Variants in ZNF335 observed in about 807,000 individuals in gnomAD.
ZNF335 encodes the protein NRC-interacting factor 1.
Under a neutral mutation model 145.6 loss-of-function variants are expected in ZNF335, and 84 were observed. The observed-to-expected ratio is 0.58, with a 90% CI of 0.48 to 0.69. ZNF335 has a LOEUF of 0.69. Among genes scored for constraint, ZNF335 ranks in the 30% least tolerant of loss-of-function variants. ZNF335 has a pLI of 0.00. For synonymous variants in ZNF335, 761 were observed against 717.0 expected (o/e 1.06, Z -0.98); for missense variants, 1,865 against 1,809.7 (o/e 1.03, Z -0.55).
chr20:45,954,293 G>T (rs1343617341), intron 17 of ZNF335, among the ~76,000 whole-genome samples: 1 of 152,196 alleles, frequency 6.6e-6, no homozygotes, highest in Non-Finnish European at 1.5e-5. Flanking sequence ...TAATGCACAG[G>T]ACCGCCCCAC....
At position 45,972,056 on chromosome 20, in the gene ZNF335, C is replaced by G. The variant is rs1003426377; in HGVS notation, c.-51+66G>C. 7 of 1,269,828 alleles carry G rather than the reference C, an allele frequency of 5.5e-6. No homozygotes were observed. In the African/African-American group the frequency reaches 7.7e-5, roughly 14 times the overall value. The allele number at this position is 1,269,828 out of a possible 1,614,324, so 78.7% of individuals were successfully genotyped here. A position where few individuals can be genotyped will look rare whatever the true frequency, so the allele number is the denominator to read the frequency against. On this transcript the variant is annotated intron_variant, in intron 1 of 27. Coordinates refer to ENST00000322927, the MANE Select transcript of ZNF335 (RefSeq NM_022095.4). ...GGCCTGGGACCTCGCCTCCGGGTATCCCCGCAGTGTGACCTCACTCCACGG... is the reference window on the plus strand; with the variant it reads ...GGCCTGGGACCTCGCCTCCGGGTATGCCCGCAGTGTGACCTCACTCCACGG...
Position 45,949,804 on chromosome 20 carries a change from T to G in ZNF335, c.3665A>C (p.Asn1222Thr), listed in dbSNP as rs2083594753. Residue 1222 changes from asparagine to threonine, a missense_variant, in exon 24 of 28, where the codon AAC becomes ACC. Physicochemically the swap from Asn to Thr is moderately conservative, Grantham distance 65. Transcript: ENST00000322927. ...TAACAGTAGCTAGTAGCTCACCTGG[T>G]TGTCGGAGGTCACCAGGTGCTGTAC... The part of the protein sequence containing the change: ...QTVQHLVTSD[N>T]QVQYIISQDG... The G allele has an allele frequency of 6.2e-7, 1 of 1,613,908 alleles. No homozygotes were observed. Among genetic ancestry groups the G allele is most frequent in the Non-Finnish European group, 8.5e-7 (1 of 1,179,984 alleles).
chr20:45,950,080 A>C lies in ZNF335; in HGVS notation c.3488-11T>G. The stretch of plus-strand genomic sequence containing the variant: ...TGGACTGGAGTGCAGCTGGGCAGAG[A>C]GGAGAGGATGCTCACCTGGGGTCCA... On this transcript the variant is annotated splice_polypyrimidine_tract_variant and intron_variant, in intron 22 of 27. Transcript: ENST00000322927. 1 of 1,613,024 alleles carries C rather than the reference A, an allele frequency of 6.2e-7. No individual in the cohort carries two copies. Among genetic ancestry groups the C allele is most frequent in the Non-Finnish European group, 8.5e-7 (1 of 1,179,602 alleles).
At position 45,959,350 on chromosome 20, in the gene ZNF335, C is replaced by T. The variant is rs779917012; in HGVS notation, c.2104G>A (p.Ala702Thr). Residue 702 changes from alanine to threonine, a missense_variant, in exon 15 of 28, where the codon GCA becomes ACA. Transcript: ENST00000322927. ...CTCCCCCATTCCTCGAAGCTGCTTG[C>T]GTGTCGGCACCGTACGTGCAGGCGC... ...NLRLHVRCRH[A>T]SSFEEWGRRH... The T allele has an allele frequency of 3.2e-6, 5 of 1,583,878 alleles. No homozygotes were observed. The highest frequency in any genetic ancestry group is 2.4e-5 in the East Asian group (1 of 42,538).
chr20:45,959,790 C>T (rs1039354016), intron 14 of ZNF335, among the ~76,000 whole-genome samples: 3 of 152,226 alleles, frequency 2.0e-5, no homozygotes, highest in African/African-American at 7.2e-5. Context: ...TGCAGTGCAG[C>T]TTCTGTGGGC....
In ZNF335 at chr20:45,963,789, G is replaced by A; in HGVS notation, c.1304C>T (p.Pro435Leu). ...PSCPDEHDTLPRRRGRPSRRF... is the reference protein window; with the variant it reads ...PSCPDEHDTLLRRRGRPSRRF... ...CCTGGAAGGTCGACCTCGGCGCCGG[G>A]GCAGAGTGTCATGCTCATCCGGGCA... The change falls in exon 8 of 28, where the codon CCC (proline) becomes CTC (leucine). Residue 435 changes from proline to leucine, a missense_variant. By Grantham distance (98) the Pro-to-Leu change is moderately conservative. Transcript: ENST00000322927. 1 of 1,614,168 alleles carries A rather than the reference G, an allele frequency of 6.2e-7. No individual in the cohort carries two copies. The highest frequency in any genetic ancestry group is 8.5e-7 in the Non-Finnish European group (1 of 1,180,004).
chr20:45,969,583 G>A lies in ZNF335; in HGVS notation c.310C>T (p.Pro104Ser). The change falls in exon 3 of 28, where the codon CCA becomes TCA. Residue 104 changes from proline (P) to serine (S), a missense_variant. Transcript: ENST00000322927. The part of the protein sequence containing the change: ...GPVAGVTGGP[P>S]ALVHSSALPD... ...AGTGCACTAGAGTGCACAAGTGCTGGGGGACCGCCTGTCACCCCTGCCACT... is the reference window on the plus strand; with the variant it reads ...AGTGCACTAGAGTGCACAAGTGCTGAGGGACCGCCTGTCACCCCTGCCACT... 1.2e-6 allele frequency: 2 copies of A among 1,605,792 alleles called. No individual in the cohort carries two copies. The highest frequency in any genetic ancestry group is 1.7e-6 in the Non-Finnish European group (2 of 1,173,814).
chr20:45,956,290 G>A (rs965712368), intron 17 of ZNF335, among the ~76,000 whole-genome samples: 2 of 151,002 alleles, frequency 1.3e-5, no homozygotes, highest in East Asian at 1.9e-4. Flanking sequence ...GTGCAATGGC[G>A]CAATCTCGGC....
At chr20:45,958,388 G>A (rs2083767028) in intron 15 of ZNF335, among the ~76,000 whole-genome samples, 1 of 152,174 alleles carries the variant, frequency 6.6e-6, no homozygotes, top group Admixed American at 6.5e-5. Context: ...TGCTACAGAT[G>A]AACCCACTAA....
At chr20:45,958,970 A>G (rs550306952) in intron 15 of ZNF335, among the ~76,000 whole-genome samples, 2 of 152,320 alleles carry the variant, frequency 1.3e-5, no homozygotes, top group South Asian at 4.1e-4. Flanking sequence ...CTTGTATAAG[A>G]GAGAATAAAA....
Position 45,967,593 on chromosome 20 carries a change from G to A in ZNF335, c.856C>T (p.Arg286Trp), listed in dbSNP as rs373702988. 1.7e-5 allele frequency: 28 copies of A among 1,613,838 alleles called. No individual in the cohort carries two copies. The highest frequency in any genetic ancestry group is 1.2e-4 in the Admixed American group (7 of 59,980). Residue 286 changes from arginine to tryptophan, a missense_variant, in exon 6 of 28, where the codon CGG becomes TGG. Physicochemically the swap from Arg to Trp is moderately radical, Grantham distance 101 (BLOSUM62 -3). Transcript: ENST00000322927. ...CTCTTGGTGGAGGTGCTCCACTTCC[G>A]TAGACGTCCTTTTTTACCAGCTGCT... ...AAAAGKKGRL[R>W]KWSTSTKSQE...
chr20:45,963,835 C>T lies in ZNF335; in HGVS notation c.1258G>A (p.Ala420Thr), dbSNP rs2083898709. ...GGGCAGGAGGGGGCTGCGTTCTCTG[C>T]ATCTGACTGGCTCACACCAGCTTCC... ...PVEAGVSQSD[A>T]ENAAPSCPDE... Residue 420 changes from alanine to threonine, a missense_variant, in exon 8 of 28, where the codon GCA becomes ACA. Coordinates refer to ENST00000322927, the MANE Select transcript of ZNF335 (RefSeq NM_022095.4). The T allele has an allele frequency of 1.2e-6, 2 of 1,613,488 alleles. No individual in the cohort carries two copies. Among genetic ancestry groups the T allele is most frequent in the Non-Finnish European group, 1.7e-6 (2 of 1,179,752 alleles).
rs200292156 is a variant in ZNF335, at chr20:45,960,449, C to T, written c.1859G>A (p.Arg620Lys). Reference sequence around the variant, plus strand: ...CCCAGGGGCCTCCAAGGGGATGTACCTGCGGTTGGCAACAGCCTGGATGTG... The same window carrying T: ...CCCAGGGGCCTCCAAGGGGATGTACTTGCGGTTGGCAACAGCCTGGATGTG... Reference protein sequence around the residue: ...LTHIQAVANRRFKCEFCEFVC... With the variant: ...LTHIQAVANRKFKCEFCEFVC... Residue 620 changes from arginine (R) to lysine (K), a missense_variant and splice_region_variant, in exon 13 of 28, where the codon AGG (arginine) becomes AAG (lysine). Physicochemically the swap from Arg to Lys is conservative, Grantham distance 26. Coordinates refer to ENST00000322927, the MANE Select transcript of ZNF335 (RefSeq NM_022095.4). The T allele has an allele frequency of 2.3e-5, 37 of 1,614,198 alleles. No individual in the cohort carries two copies. Among genetic ancestry groups the T allele is most frequent in the South Asian group, 2.0e-4 (18 of 91,080 alleles).
rs764565322 is a variant in ZNF335, at chr20:45,950,336, G to A, written c.3370C>T (p.Arg1124Trp). Residue 1124 changes from arginine (R) to tryptophan (W), a missense_variant, in exon 22 of 28, where the codon CGG (arginine) becomes TGG (tryptophan). Coordinates refer to ENST00000322927, the MANE Select transcript of ZNF335 (RefSeq NM_022095.4). ...RNGHLKFHIQ[R>W]LHSPDGRKSG... is the part of the protein sequence containing the mutation. ...TTCCTCCCATCAGGACTGTGCAGCC[G>A]CTGGATGTGGAACTTGAGGTGCCCG... 10 of 1,582,840 alleles carry A rather than the reference G, an allele frequency of 6.3e-6. No individual in the cohort carries two copies. Among genetic ancestry groups the A allele is most frequent in the East Asian group, 2.2e-5 (1 of 44,554 alleles).
rs2083826610 is a variant in ZNF335, at chr20:45,960,712, G to A, written c.1686C>T (p.Phe562=). ...ACACACGGCCACACACAGGGCAGGG[G>A]AAAGAGCTCAGCTTTGGAGTCTAGG... The part of the protein sequence containing the change: ...RPDPTPKLSS[F]PCPVCGRVYP... Residue 562 remains phenylalanine (F), a synonymous_variant, in exon 12 of 28, where the codon TTC becomes TTT. Coordinates refer to ENST00000322927, the MANE Select transcript of ZNF335 (RefSeq NM_022095.4). 6.2e-7 allele frequency: 1 copy of A among 1,614,022 alleles called. No individual in the cohort carries two copies. The highest frequency in any genetic ancestry group is 8.5e-7 in the Non-Finnish European group (1 of 1,180,012).
In ZNF335 at chr20:45,959,326, TC is replaced by T; in HGVS notation, c.2127del (p.Arg710GlyfsTer23). 1 of 1,581,838 alleles carries T rather than the reference TC, an allele frequency of 6.3e-7. No individual in the cohort carries two copies. The highest frequency in any genetic ancestry group is 8.6e-7 in the Non-Finnish European group (1 of 1,161,328). On this transcript the variant is annotated frameshift_variant, in exon 15 of 28. Coordinates refer to ENST00000322927, the MANE Select transcript of ZNF335 (RefSeq NM_022095.4). LOFTEE classifies it high-confidence loss of function. ...GAGGGGGGCTCCTCAGGGTGGCGCC[TC>T]CCCCATTCCTCGAAGCTGCTTGCGT... Reference protein sequence around the residue: ...CRHASSFEEWGRRHPEEPPSR... With the variant: ...CRHASSFEEWXRRHPEEPPSR...
rs1337880886 is a variant in ZNF335, at chr20:45,950,218, CTG to C, written c.3486_3487del (p.Thr1163CysfsTer83). 3.9e-6 allele frequency: 6 copies of C among 1,550,530 alleles called. No homozygotes were observed. The highest frequency in any genetic ancestry group is 5.2e-6 in the Non-Finnish European group (6 of 1,147,860). On this transcript the variant is annotated frameshift_variant and splice_region_variant, in exon 22 of 28. Coordinates refer to ENST00000322927, the MANE Select transcript of ZNF335 (RefSeq NM_022095.4). LOFTEE classifies it high-confidence loss of function. Reference sequence around the variant, plus strand: ...ACCCTGTGGCCCCAGGGGCAGCTCACTGTGCAGGGTGGCCAGTGTTTCGTCAT... The same window carrying C: ...ACCCTGTGGCCCCAGGGGCAGCTCACTGCAGGGTGGCCAGTGTTTCGTCAT...
chr20:45,955,655 C>T (rs543574900), intron 17 of ZNF335, among the ~76,000 whole-genome samples: 2 of 152,080 alleles, frequency 1.3e-5, no homozygotes, highest in Admixed American at 1.3e-4. Context: ...CCTATCCCTA[C>T]TAAAAATACA....
At chr20:45,969,841 G>A in intron 2 of ZNF335, 150 bp from the exon 3 acceptor site, 4 of 1,010,326 alleles carry the variant, frequency 4.0e-6, no homozygotes, top group Non-Finnish European at 5.5e-6. Context: ...GAGGACCAGT[G>A]AGAGAGGCCC....
Sources: allele counts gnomAD v4.1 joint callset (sites outside exome capture counted in the v4.1 genomes callset), GRCh38; gene constraint gnomAD v4.1.1; transcripts MANE v1.5; gene names NCBI Gene and HGNC (gene_info 2026-07-23, HGNC 2026-07-21).